FHOD3: variants seen among roughly 807,000 people sequenced by gnomAD.
FHOD3 encodes the protein FH1/FH2 domain-containing protein 3.
Under a neutral mutation model 173.0 loss-of-function variants are expected in FHOD3, and 90 were observed. The observed-to-expected ratio is 0.52, with a 90% CI of 0.44 to 0.62. The LOEUF (loss-of-function observed/expected upper bound fraction) is 0.62, where lower values mean the gene tolerates loss of function less well. Among genes scored for constraint, FHOD3 ranks in the 20% least tolerant of loss-of-function variants. The pLI is 0.00. For synonymous variants in FHOD3, 828 were observed against 823.0 expected (o/e 1.01, Z -0.10); for missense variants, 1,945 against 2,034.7 (o/e 0.96, Z 0.85).
Position 36,407,481 on chromosome 18 carries a change from G to A in FHOD3, c.337+34737G>A, listed in dbSNP as rs918593624. 4.6e-5 allele frequency among the ~76,000 whole-genome samples: 7 copies of A among 152,248 alleles called. No individual in the cohort carries two copies. In the South Asian group the frequency reaches 6.2e-4, roughly 14 times the overall value. ...ACCTTGTTATGACCCTCACACTCAC[G>A]ATTTCAGTTTAACCCAAGTCTAACA... is the stretch of plus-strand genomic sequence containing the variant. On this transcript the variant is annotated intron_variant, in intron 3 of 28. Coordinates refer to ENST00000590592, the MANE Select transcript of FHOD3 (RefSeq NM_001281740.3).
chr18:36,302,760 C>A (rs1390587510), intron 1 of FHOD3, among the ~76,000 whole-genome samples: 2 of 152,228 alleles, frequency 1.3e-5, no homozygotes, highest in Non-Finnish European at 2.9e-5. Flanking sequence ...AAGATGAGAT[C>A]ATTAGTAAAC....
At chr18:36,301,523 AT>A (rs2091956718) in intron 1 of FHOD3, among the ~76,000 whole-genome samples, 2 of 152,178 alleles carry the variant, frequency 1.3e-5, no homozygotes, top group Non-Finnish European at 2.9e-5. Context: ...CCATATTCTC[AT>A]TGGGGAGATG....
At chr18:36,597,358 A>AAAT (rs1168460046) in intron 7 of FHOD3, among the ~76,000 whole-genome samples, 8 of 152,138 alleles carry the variant, frequency 5.3e-5, no homozygotes, top group East Asian at 3.9e-4. Context: ...TGATTAGTAA[A>AAAT]AATAATAATA....
At chr18:36,610,175 G>A (rs1396941841) in intron 8 of FHOD3, among the ~76,000 whole-genome samples, 1 of 152,198 alleles carries the variant, frequency 6.6e-6, no homozygotes, top group African/African-American at 2.4e-5. Flanking sequence ...TAATTCTGAT[G>A]CTAGATGTCC....
intron 1 of FHOD3, among the ~76,000 whole-genome samples, chr18:36,316,076 T>A (rs1301267591): frequency 6.6e-6 from 1 of 151,608 alleles, no homozygotes; most frequent in Non-Finnish European, 1.5e-5. Flanking sequence ...TCTGGTATCT[T>A]TAAGCCTCTT....
At chr18:36,584,750 T>TAAC (rs1449556319) in intron 6 of FHOD3, among the ~76,000 whole-genome samples, 3 of 152,158 alleles carry the variant, frequency 2.0e-5, no homozygotes, top group Admixed American at 6.6e-5. Context: ...TCAGCTTGAA[T>TAAC]AACACATAGA....
In FHOD3 at chr18:36,328,161, C is replaced by T. The variant is rs1012415863; in HGVS notation, c.166-27378C>T. 5.3e-5 allele frequency among the ~76,000 whole-genome samples: 8 copies of T among 152,178 alleles called. 1 individual carries two copies. Among genetic ancestry groups the T allele is most frequent in the Middle Eastern group, 6.8e-3 (2 of 294 alleles). On this transcript the variant is annotated intron_variant, in intron 1 of 28. Coordinates refer to ENST00000590592, the MANE Select transcript of FHOD3 (RefSeq NM_001281740.3). The stretch of plus-strand genomic sequence containing the variant: ...CAGTGGCCAGGACAAAGTTCCTGAC[C>T]GCATGGACCTGGTATCTGGTGGGAG...
intron 3 of FHOD3, among the ~76,000 whole-genome samples, chr18:36,435,436 A>G (rs2050762854): frequency 6.6e-6 from 1 of 152,170 alleles, no homozygotes; most frequent in East Asian, 1.9e-4. Context: ...GCCAATGTTC[A>G]CTATTTCATA....
intron 3 of FHOD3, among the ~76,000 whole-genome samples, chr18:36,451,467 A>C (rs1012029693): frequency 6.6e-6 from 1 of 152,152 alleles, no homozygotes; most frequent in Non-Finnish European, 1.5e-5. Flanking sequence ...CTTTCTCTCT[A>C]TCCGTGTCTA....
chr18:36,667,023 CTT>C (rs2037227162), intron 14 of FHOD3, among the ~76,000 whole-genome samples: 1 of 152,166 alleles, frequency 6.6e-6, no homozygotes, highest in South Asian at 2.1e-4. Flanking sequence ...AGTATATACT[CTT>C]TGAGGGGAGT....
intron 3 of FHOD3, among the ~76,000 whole-genome samples, chr18:36,443,520 A>G (rs1209476355): frequency 6.6e-6 from 1 of 152,118 alleles, no homozygotes; most frequent in Non-Finnish European, 1.5e-5. Flanking sequence ...CATTTTTTGA[A>G]TGTTCATATT....
At chr18:36,452,870 A>G (rs550828390) in intron 3 of FHOD3, among the ~76,000 whole-genome samples, 1 of 152,158 alleles carries the variant, frequency 6.6e-6, no homozygotes, top group African/African-American at 2.4e-5. Flanking sequence ...ATGTATGTGT[A>G]TATATATGTG....
chr18:36,495,765 A>G (rs1391084133), intron 3 of FHOD3, among the ~76,000 whole-genome samples: 1 of 152,222 alleles, frequency 6.6e-6, no homozygotes, highest in African/African-American at 2.4e-5. Context: ...ACACACCCAC[A>G]TATACACGTG....
chr18:36,709,681 A>C (rs1301015279), intron 18 of FHOD3: 1 of 394,704 alleles, frequency 2.5e-6, no homozygotes, highest in African/African-American at 2.0e-5. Context: ...TTCCTGAGGA[A>C]TAAGCCCCAG....
intron 18 of FHOD3, chr18:36,710,157 G>A (rs2040090997): frequency 6.6e-6 from 1 of 152,212 alleles, no homozygotes; most frequent in Non-Finnish European, 1.5e-5. Flanking sequence ...AAGGACTTGA[G>A]AAGGGTGCCA....
At chr18:36,523,198 C>T (rs745978895) in intron 5 of FHOD3, among the ~76,000 whole-genome samples, 2 of 152,140 alleles carry the variant, frequency 1.3e-5, no homozygotes, top group East Asian at 1.9e-4. Context: ...TTCCAGGTAA[C>T]GTTGGCCTTG....
intron 10 of FHOD3, among the ~76,000 whole-genome samples, chr18:36,648,362 A>G (rs2035827464): frequency 6.6e-6 from 1 of 152,244 alleles, no homozygotes. Flanking sequence ...CAGGTGTTCC[A>G]TGTGGACCAT....
chr18:36,599,526 A>AT (rs1394119106), intron 7 of FHOD3, among the ~76,000 whole-genome samples: 1 of 152,164 alleles, frequency 6.6e-6, no homozygotes, highest in South Asian at 2.1e-4. Flanking sequence ...AAGCATCCAC[A>AT]TTGAGTGTGT....
intron 3 of FHOD3, among the ~76,000 whole-genome samples, chr18:36,435,800 C>T (rs527775051): frequency 9.9e-5 from 15 of 152,226 alleles, no homozygotes; most frequent in African/African-American, 2.4e-4. Flanking sequence ...GTCTTTTCAG[C>T]GTTATTACTG....
Sources: gnomAD v4.1 joint callset for allele counts (sites outside exome capture counted in the v4.1 genomes callset) on GRCh38, gnomAD v4.1.1 for gene constraint, MANE v1.5 for transcripts, NCBI Gene and HGNC (gene_info 2026-07-23, HGNC 2026-07-21) for gene names.